Variants in STK3 observed in about 807,000 individuals in gnomAD.
The protein encoded by STK3 is serine/threonine-protein kinase 3.
Under a neutral mutation model 58.0 loss-of-function variants are expected in STK3, and 41 were observed. The observed-to-expected ratio is 0.71, with a 90% CI of 0.55 to 0.92. The LOEUF is 0.92. STK3 is among the 40% of genes least tolerant of loss of function. The pLI, the probability that STK3 is intolerant of heterozygous loss-of-function variation, is 0.00. For synonymous variants in STK3, 170 were observed against 191.0 expected (o/e 0.89, Z 0.91); for missense variants, 479 against 602.7 (o/e 0.79, Z 2.15).
At position 98,536,745 on chromosome 8, in the gene STK3, G is replaced by A. The variant is rs577281629; in HGVS notation, c.1142-9828C>T. On this transcript the variant is annotated intron_variant, in intron 9 of 10. Transcript: ENST00000419617. Reference sequence around the variant, plus strand: ...TTAATCTTATTTTGTTTAAATCACTGTTATTTGGGTTTATTGGTACATACA... The same window carrying A: ...TTAATCTTATTTTGTTTAAATCACTATTATTTGGGTTTATTGGTACATACA... 2.4e-4 allele frequency among the ~76,000 whole-genome samples: 37 copies of A among 152,274 alleles called. No homozygotes were observed. In the South Asian group the frequency reaches 6.8e-3, roughly 28 times the overall value.
intron 10 of STK3, among the ~76,000 whole-genome samples, chr8:98,505,070 T>C (rs1055899882): frequency 1.3e-5 from 2 of 152,352 alleles, no homozygotes; most frequent in South Asian, 4.1e-4. Flanking sequence ...CCCATGTTTC[T>C]TGGAGGTTTT....
chr8:98,646,791 A>T (rs1820425031), intron 6 of STK3, among the ~76,000 whole-genome samples: 1 of 152,064 alleles, frequency 6.6e-6, no homozygotes, highest in Non-Finnish European at 1.5e-5. Flanking sequence ...TTTTGTTTCA[A>T]AATATATCCA....
intron 2 of STK3, among the ~76,000 whole-genome samples, chr8:98,434,920 A>G (rs1249795316): frequency 6.6e-6 from 1 of 152,248 alleles, no homozygotes; most frequent in Admixed American, 6.5e-5. Context: ...ACATTATTCT[A>G]GGCCTTCCAT....
intron 1 of STK3, among the ~76,000 whole-genome samples, chr8:98,937,582 C>T (rs1217946750): frequency 1.3e-5 from 2 of 152,222 alleles, no homozygotes; most frequent in African/African-American, 2.4e-5. Context: ...ACTTCTACCC[C>T]CAAGTCAGGA....
At chr8:98,349,396 C>A in the STK3 span, among the ~76,000 whole-genome samples, 1 of 152,198 alleles carries the variant, frequency 6.6e-6, no homozygotes, top group Non-Finnish European at 1.5e-5. Context: ...CAAGGTGTGG[C>A]CTCCCTCCCA....
intron 5 of STK3, 111 bp downstream of exon 5, chr8:98,707,036 A>T (rs1194875710): frequency 1.7e-5 from 21 of 1,206,314 alleles, no homozygotes; most frequent in Admixed American, 3.5e-5. Context: ...CACAAAAATT[A>T]AAAAACTACA....
chr8:98,601,338 C>T (rs2130057296), intron 6 of STK3, among the ~76,000 whole-genome samples: 1 of 152,270 alleles, frequency 6.6e-6, no homozygotes, highest in South Asian at 2.1e-4. Flanking sequence ...AATTGTAAAT[C>T]TTAACCATCT....
intron 9 of STK3, among the ~76,000 whole-genome samples, chr8:98,535,108 G>A (rs1189696650): frequency 6.6e-6 from 1 of 152,080 alleles, no homozygotes; most frequent in Admixed American, 6.6e-5. Flanking sequence ...TATAATAAGG[G>A]TTATCAAGTT....
chr8:98,634,944 C>G (rs552881719), intron 6 of STK3, among the ~76,000 whole-genome samples: 1 of 151,940 alleles, frequency 6.6e-6, no homozygotes, highest in Admixed American at 6.6e-5. Flanking sequence ...ATGCAATATC[C>G]CCAGGTTATT....
At chr8:98,591,788 T>C (rs1319340250) in intron 7 of STK3, among the ~76,000 whole-genome samples, 4 of 152,224 alleles carry the variant, frequency 2.6e-5, no homozygotes, top group Non-Finnish European at 5.9e-5. Context: ...CAGATAAGTA[T>C]ATTGGCTTTT....
intron 2 of STK3, among the ~76,000 whole-genome samples, chr8:98,377,007 C>T (rs986760128): frequency 3.9e-5 from 6 of 152,142 alleles, no homozygotes; most frequent in Admixed American, 6.5e-5. Context: ...CTTTGGTGTT[C>T]CTTGAACATG....
At chr8:98,801,412 G>A (rs1355617952) in intron 1 of STK3, among the ~76,000 whole-genome samples, 2 of 152,000 alleles carry the variant, frequency 1.3e-5, no homozygotes, top group Non-Finnish European at 2.9e-5. Flanking sequence ...TTGTTCTTTC[G>A]CTCTTTGCAA....
At chr8:98,643,107 G>A (rs914978760) in intron 6 of STK3, among the ~76,000 whole-genome samples, 12 of 152,022 alleles carry the variant, frequency 7.9e-5, no homozygotes, top group African/African-American at 2.2e-4. Flanking sequence ...CACACCTGTC[G>A]TCTCAGCTAC....
intron 7 of STK3, among the ~76,000 whole-genome samples, chr8:98,589,427 C>G (rs1286506372): frequency 6.6e-6 from 1 of 152,210 alleles, no homozygotes; most frequent in Admixed American, 6.5e-5. Flanking sequence ...AGGGGTCATG[C>G]ACCCACTTAA....
upstream of STK3, among the ~76,000 whole-genome samples, chr8:98,826,307 C>T (rs776755318): frequency 6.6e-6 from 1 of 152,224 alleles, no homozygotes; most frequent in Non-Finnish European, 1.5e-5. Context: ...TGTTTTCCCC[C>T]AGCCATTTGA....
chr8:98,940,186 T>C (rs1840354906), intron 1 of STK3, among the ~76,000 whole-genome samples: 2 of 152,006 alleles, frequency 1.3e-5, no homozygotes, highest in African/African-American at 4.8e-5. Flanking sequence ...CGTATCCAGC[T>C]TGTGCAGGAG....
At chr8:98,869,896 C>A (rs1837305347) in intron 3 of STK3, among the ~76,000 whole-genome samples, 1 of 149,968 alleles carries the variant, frequency 6.7e-6, no homozygotes, top group African/African-American at 2.5e-5. Flanking sequence ...GCACAATGTG[C>A]AGGTTTGTTA....
At chr8:98,794,554 T>C (rs576063575) in intron 1 of STK3, among the ~76,000 whole-genome samples, 2 of 152,252 alleles carry the variant, frequency 1.3e-5, no homozygotes, top group East Asian at 1.9e-4. Flanking sequence ...AAAAAATCCC[T>C]GGACCACATG....
intron 4 of STK3, among the ~76,000 whole-genome samples, chr8:98,742,945 CAG>C (rs2099712573): frequency 6.6e-6 from 1 of 151,668 alleles, no homozygotes; most frequent in Admixed American, 6.6e-5. Flanking sequence ...AACAGACAAA[CAG>C]AGAGCCAAAT....
Sources: gnomAD v4.1 joint callset for allele counts (sites outside exome capture counted in the v4.1 genomes callset) on GRCh38, gnomAD v4.1.1 for gene constraint, MANE v1.5 for transcripts, NCBI Gene and HGNC (gene_info 2026-07-23, HGNC 2026-07-21) for gene names.